Variants in ST7 observed in about 807,000 individuals in gnomAD.
The protein encoded by ST7 is suppressor of tumorigenicity 7 protein.
In ST7, 28 loss-of-function variants were observed where a neutral mutation model predicts 78.7. The ratio of observed to expected loss-of-function variants is 0.36; its 90% CI spans 0.26 to 0.49. The LOEUF (loss-of-function observed/expected upper bound fraction) is 0.49. Ranked by LOEUF, ST7 falls within the 20% of genes least tolerant of loss-of-function variation. The pLI is 0.99. For missense variants in ST7, 418 were observed against 696.0 expected, an observed-to-expected ratio of 0.60 and a Z score of 4.49; for synonymous variants, 247 against 249.6, an observed-to-expected ratio of 0.99 and a Z score of 0.10.
intron 2 of ST7, among the ~76,000 whole-genome samples, chr7:117,114,360 A>C (rs1247736571): frequency 6.6e-6 from 1 of 152,128 alleles, no homozygotes; most frequent in Non-Finnish European, 1.5e-5. Flanking sequence ...AACACATGCC[A>C]ACTGCCTGGG....
intron 12 of ST7, among the ~76,000 whole-genome samples, chr7:117,200,420 C>G (rs558314827): frequency 6.6e-6 from 1 of 152,272 alleles, no homozygotes; most frequent in East Asian, 1.9e-4. Flanking sequence ...AGCCAGTACC[C>G]GTTCCTTAGC....
chr7:117,217,054 CACCA>C (rs1263367319), intron 13 of ST7, among the ~76,000 whole-genome samples: 2 of 152,180 alleles, frequency 1.3e-5, no homozygotes, highest in Non-Finnish European at 2.9e-5. Context: ...ACTGAAAAGA[CACCA>C]ACCAACCATT....
chr7:116,958,000 T>A (rs946939803), intron 1 of ST7, among the ~76,000 whole-genome samples: 1 of 152,184 alleles, frequency 6.6e-6, no homozygotes, highest in African/African-American at 2.4e-5. Context: ...TATTTACTTA[T>A]GTTTGAGACA....
intron 1 of ST7, among the ~76,000 whole-genome samples, chr7:117,004,720 A>G (rs1795088574): frequency 6.6e-6 from 1 of 152,036 alleles, no homozygotes; most frequent in Non-Finnish European, 1.5e-5. Context: ...ATGACTACGA[A>G]CTCTCATTTT....
chr7:117,042,773 T>G (rs1328610774), intron 1 of ST7, among the ~76,000 whole-genome samples: 1 of 152,166 alleles, frequency 6.6e-6, no homozygotes, highest in East Asian at 1.9e-4. Context: ...TTCTTTTTAG[T>G]ACTTTTGTGC....
At chr7:117,185,663 C>A (rs1292690099) in intron 10 of ST7, among the ~76,000 whole-genome samples, 1 of 152,114 alleles carries the variant, frequency 6.6e-6, no homozygotes, top group African/African-American at 2.4e-5. Context: ...CAGTGGCTCG[C>A]GCCTGTAATC....
At chr7:117,071,902 A>G (rs537557507) in intron 1 of ST7, among the ~76,000 whole-genome samples, 6 of 152,200 alleles carry the variant, frequency 3.9e-5, no homozygotes, top group Admixed American at 1.3e-4. Flanking sequence ...CTGATTACCT[A>G]TGGCTGTGGA....
intron 1 of ST7, among the ~76,000 whole-genome samples, chr7:117,091,361 C>G (rs1025019481): frequency 2.6e-5 from 4 of 152,100 alleles, no homozygotes; most frequent in African/African-American, 9.7e-5. Flanking sequence ...TGATGTAAAA[C>G]TGATTTTTAA....
chr7:117,114,895 A>C (rs1477427129), intron 2 of ST7, among the ~76,000 whole-genome samples: 4 of 152,168 alleles, frequency 2.6e-5, no homozygotes, highest in African/African-American at 9.7e-5. Flanking sequence ...GGTAAATATG[A>C]GACAAGTTTG....
intron 1 of ST7, among the ~76,000 whole-genome samples, chr7:117,018,992 C>T (rs1252411238): frequency 6.6e-6 from 1 of 152,134 alleles, no homozygotes; most frequent in African/African-American, 2.4e-5. Context: ...GAGGTAGATC[C>T]TACATATACT....
At chr7:117,142,463 CT>C (rs1233016284) in intron 9 of ST7, among the ~76,000 whole-genome samples, 1 of 150,112 alleles carries the variant, frequency 6.7e-6, no homozygotes, top group Non-Finnish European at 1.5e-5. Flanking sequence ...AGCTTAACCC[CT>C]GTACCTCCCC....
At chr7:117,107,474 G>A (rs1244681671) in intron 2 of ST7, among the ~76,000 whole-genome samples, 1 of 151,976 alleles carries the variant, frequency 6.6e-6, no homozygotes, top group Non-Finnish European at 1.5e-5. Flanking sequence ...GGGGTGAAGT[G>A]GTGCTGCATT....
At chr7:116,971,556 T>G (rs1311248917) in intron 1 of ST7, among the ~76,000 whole-genome samples, 1 of 144,762 alleles carries the variant, frequency 6.9e-6, no homozygotes, top group East Asian at 1.9e-4. Flanking sequence ...TGTCCAAAGG[T>G]ATATTAAAGC....
intron 12 of ST7, among the ~76,000 whole-genome samples, chr7:117,196,761 T>C (rs764573329): frequency 4.6e-5 from 7 of 151,916 alleles, no homozygotes; most frequent in Non-Finnish European, 1.0e-4. Context: ...GCTCTGTTGA[T>C]TGTTTTCTTT....
intron 10 of ST7, among the ~76,000 whole-genome samples, chr7:117,172,026 C>T (rs1002789387): frequency 1.3e-5 from 2 of 150,660 alleles, no homozygotes; most frequent in South Asian, 4.2e-4. Flanking sequence ...TCATAGTTCA[C>T]TATAACCTTG....
At chr7:117,180,309 G>A (rs1808651525) in intron 10 of ST7, among the ~76,000 whole-genome samples, 1 of 152,152 alleles carries the variant, frequency 6.6e-6, no homozygotes, top group South Asian at 2.1e-4. Context: ...TGGAAGAGGG[G>A]AACAGGTGGT....
chr7:117,080,747 A>AT (rs1179840742), intron 1 of ST7: 4 of 152,226 alleles, frequency 2.6e-5, no homozygotes, highest in African/African-American at 9.6e-5. Context: ...TTTAATTTAA[A>AT]TAGATAATCT....
Position 117,124,030 on chromosome 7 carries a change from A to G in ST7, c.394+4310A>G, listed in dbSNP as rs562492330. Among the ~76,000 whole-genome samples the G allele has an allele frequency of 7.9e-5, 12 of 152,186 alleles. No individual in the cohort carries two copies. In the East Asian group the frequency reaches 2.3e-3, roughly 29 times the overall value. ...AATTCTAAATAATTTTAATAATTCT[A>G]TATAAATGTATATATTCTAAATTCT... On this transcript the variant is annotated intron_variant, in intron 3 of 15. Transcript: ENST00000323984.
At chr7:117,174,540 G>A (rs1213183774) in intron 10 of ST7, among the ~76,000 whole-genome samples, 3 of 152,152 alleles carry the variant, frequency 2.0e-5, no homozygotes, top group African/African-American at 4.8e-5. Context: ...TAAATATGAT[G>A]TGAATTCTAC....
Sources: allele counts gnomAD v4.1 joint callset (sites outside exome capture counted in the v4.1 genomes callset), GRCh38; gene constraint gnomAD v4.1.1; transcripts MANE v1.5; gene names NCBI Gene and HGNC (gene_info 2026-07-23, HGNC 2026-07-21).